Variants in NFATC1 observed in about 807,000 individuals in gnomAD.
The protein encoded by NFATC1 is nuclear factor of activated T-cells, cytoplasmic 1.
A neutral mutation model predicts 76.0 loss-of-function variants in NFATC1; 22 were observed. The observed-to-expected ratio is 0.29, with a 90% CI of 0.21 to 0.41. NFATC1 has a LOEUF of 0.41. NFATC1 is among the 10% of genes least tolerant of loss of function. The pLI is 1.00. For synonymous variants in NFATC1, 704 were observed against 613.1 expected (o/e 1.15, Z -2.19); for missense variants, 1,357 against 1,337.7 (o/e 1.01, Z -0.23).
At chr18:79,456,578 C>T (rs943665978) in intron 6 of NFATC1, among the ~76,000 whole-genome samples, 16 of 152,208 alleles carry the variant, frequency 1.1e-4, no homozygotes, top group African/African-American at 2.7e-4. Context: ...TTCTTTCTCG[C>T]GGGCGGGGAG....
intron 2 of NFATC1, among the ~76,000 whole-genome samples, chr18:79,420,515 T>C (rs11876815): frequency 1.3e-5 from 2 of 151,128 alleles, no homozygotes; most frequent in Non-Finnish European, 2.9e-5. Flanking sequence ...GCAGACGCAT[T>C]TCCAGGCGAG....
At chr18:79,451,261 G>A (rs2087461137) in intron 5 of NFATC1, 135 bp downstream of exon 5, 1 of 1,116,826 alleles carries the variant, frequency 9.0e-7, no homozygotes, top group Non-Finnish European at 1.3e-6. Context: ...CACAGTGTGT[G>A]GCCACGAGGG....
chr18:79,402,221 C>T (rs1459904401), intron 1 of NFATC1: 3 of 519,504 alleles, frequency 5.8e-6, no homozygotes, highest in African/African-American at 2.1e-5. Context: ...GGAAGACGCA[C>T]AGGAGGCCAG....
Position 79,528,193 on chromosome 18 carries a change from T to G in NFATC1, c.*616T>G, listed in dbSNP as rs955511851. On this transcript the variant is annotated 3_prime_UTR_variant, in exon 10 of 10. Transcript: ENST00000427363. The stretch of plus-strand genomic sequence containing the variant: ...TTCCAGTCTGTCATCTCAGCTCTTT[T>G]GTAACATGCTTCCCTTGTCTGCGCG... 1.6e-5 allele frequency: 6 copies of G among 365,156 alleles called. No homozygotes were observed. Among genetic ancestry groups the G allele is most frequent in the African/African-American group, 1.0e-4 (5 of 48,006 alleles). 22.6% of individuals were successfully genotyped at this position (365,156 alleles called of 1,614,324 possible).
At chr18:79,517,050 G>C (rs2090402647) in intron 9 of NFATC1, among the ~76,000 whole-genome samples, 1 of 152,174 alleles carries the variant, frequency 6.6e-6, no homozygotes, top group Admixed American at 6.5e-5. Context: ...TGTTCATTAA[G>C]GTTTTCAACC....
intron 1 of NFATC1, among the ~76,000 whole-genome samples, chr18:79,398,319 C>A (rs536384129): frequency 1.3e-5 from 2 of 152,338 alleles, no homozygotes; most frequent in East Asian, 3.9e-4. Flanking sequence ...AACTTCACAG[C>A]GTTGTTTCCC....
intron 2 of NFATC1, chr18:79,422,480 G>C (rs1355934056): frequency 6.6e-6 from 1 of 152,210 alleles, no homozygotes; most frequent in Non-Finnish European, 1.5e-5. Flanking sequence ...TGGGGGCCTG[G>C]GGCACTTCCC....
rs143214085 is a variant in NFATC1 at position 79,486,492 on chromosome 18, C to T, written c.2337C>T (p.Gly779=). ...TTTCTCCCGCTGCCTACACCAAGGG[C>T]GTTGCCAGCCCGGGCCACTGTCACC... is the stretch of plus-strand genomic sequence containing the variant. ...HDLSPAAYTK[G]VASPGHCHLG... Residue 779 remains glycine (G), a synonymous_variant, in exon 9 of 10, where the codon GGC becomes GGT. Coordinates refer to ENST00000427363, the MANE Select transcript of NFATC1 (RefSeq NM_001278669.2). 1.7e-4 allele frequency: 275 copies of T among 1,606,004 alleles called. No individual in the cohort carries two copies. Among genetic ancestry groups the T allele is most frequent in the Middle Eastern group, 1.6e-4 (1 of 6,078 alleles).
chr18:79,471,893 G>A (rs2088801807), intron 8 of NFATC1, among the ~76,000 whole-genome samples: 1 of 152,224 alleles, frequency 6.6e-6, no homozygotes, highest in South Asian at 2.1e-4. Context: ...ACGAAGAAGG[G>A]AAGACGCGCT....
At chr18:79,474,181 ACG>A (rs1491263785) in intron 8 of NFATC1, among the ~76,000 whole-genome samples, 6 of 97,384 alleles carry the variant, frequency 6.2e-5, no homozygotes, top group South Asian at 3.3e-4. Flanking sequence ...CTCGCTGTCG[ACG>A]TAAACCTGAG....
intron 9 of NFATC1, among the ~76,000 whole-genome samples, chr18:79,518,259 C>G (rs1342040871): frequency 2.0e-5 from 3 of 152,248 alleles, no homozygotes; most frequent in Non-Finnish European, 2.9e-5. Flanking sequence ...ACATTCATGG[C>G]AGCCGCTGCG....
Position 79,513,957 on chromosome 18 carries a change from T to C in NFATC1, c.2783-13571T>C, listed in dbSNP as rs547141419. Among the ~76,000 whole-genome samples the C allele has an allele frequency of 3.3e-5, 5 of 152,312 alleles. No homozygotes were observed. The East Asian group carries it at 9.7e-4, about 29-fold the overall frequency. On this transcript the variant is annotated intron_variant, in intron 9 of 9. Coordinates refer to ENST00000427363, the MANE Select transcript of NFATC1 (RefSeq NM_001278669.2). ...CTCGGGGACGTGTCCCCACCTGAGC[T>C]GGCCGCTCACTGTGCTTCAGGCTCC...
intron 8 of NFATC1, among the ~76,000 whole-genome samples, chr18:79,476,033 A>T (rs2144994145): frequency 6.6e-6 from 1 of 152,218 alleles, no homozygotes; most frequent in East Asian, 1.9e-4. Context: ...TGGGGCCGGG[A>T]GCCTGAGATG....
At chr18:79,431,655 T>G (rs1433390856) in intron 2 of NFATC1, among the ~76,000 whole-genome samples, 8 of 152,236 alleles carry the variant, frequency 5.3e-5, no homozygotes, top group African/African-American at 1.9e-4. Flanking sequence ...CCTCCCAAAG[T>G]TTTGGGATTA....
At chr18:79,515,116 G>A (rs1292007535) in intron 9 of NFATC1, among the ~76,000 whole-genome samples, 2 of 151,946 alleles carry the variant, frequency 1.3e-5, no homozygotes, top group African/African-American at 2.4e-5. Flanking sequence ...AGGCAACGGC[G>A]GGCAGATCAC....
intron 8 of NFATC1, among the ~76,000 whole-genome samples, chr18:79,475,596 T>G (rs2089033993): frequency 6.6e-6 from 1 of 151,920 alleles, no homozygotes; most frequent in Admixed American, 6.5e-5. Flanking sequence ...AAGCGTGTTC[T>G]CATGCTCACT....
At chr18:79,412,554 A>G (rs116259362) in intron 2 of NFATC1, among the ~76,000 whole-genome samples, 2,534 of 152,190 alleles carry the variant, frequency 0.017, 62 homozygotes, top group African/African-American at 0.054. Flanking sequence ...AGGGTGAGGA[A>G]GGCAGGCAGT....
chr18:79,449,853 CG>C (rs890682628), intron 4 of NFATC1, among the ~76,000 whole-genome samples: 1 of 152,006 alleles, frequency 6.6e-6, no homozygotes, highest in African/African-American at 2.4e-5. Context: ...GAGATGGCGG[CG>C]GGGGGCCACG....
intron 6 of NFATC1, among the ~76,000 whole-genome samples, chr18:79,456,632 C>T (rs1292557260): frequency 6.6e-6 from 1 of 152,192 alleles, no homozygotes; most frequent in African/African-American, 2.4e-5. Flanking sequence ...AGTGGCACTG[C>T]CCCTTTCGGC....
Sources: gnomAD v4.1 joint callset for allele counts (sites outside exome capture counted in the v4.1 genomes callset) on GRCh38, gnomAD v4.1.1 for gene constraint, MANE v1.5 for transcripts, NCBI Gene and HGNC (gene_info 2026-07-23, HGNC 2026-07-21) for gene names.